Variants in MMP16 observed in about 807,000 individuals in gnomAD.
The protein encoded by MMP16 is matrix metallopeptidase 16.
Under a neutral mutation model 67.8 loss-of-function variants are expected in MMP16, and 12 were observed. That is an observed-to-expected ratio of 0.18 (90% CI 0.11 to 0.29). MMP16 has a LOEUF of 0.29. Among genes scored for constraint, MMP16 ranks in the 10% least tolerant of loss-of-function variants. The probability of loss-of-function intolerance (pLI) is 1.00; values close to 1 mark genes in which losing one functional copy is unlikely to be tolerated. For synonymous variants in MMP16, 249 were observed against 255.9 expected (o/e 0.97, Z 0.26); for missense variants, 475 against 765.7 (o/e 0.62, Z 4.48).
chr8:88,250,910 A>T (rs1309777290), intron 1 of MMP16, among the ~76,000 whole-genome samples: 2 of 150,398 alleles, frequency 1.3e-5, no homozygotes. Context: ...TATATCTCCC[A>T]ATGCTATCCC....
At chr8:88,129,741 T>C (rs1426585773) in intron 4 of MMP16, among the ~76,000 whole-genome samples, 1 of 151,610 alleles carries the variant, frequency 6.6e-6, no homozygotes, top group Non-Finnish European at 1.5e-5. Context: ...GTATACAAAA[T>C]ATAAAAAAAT....
chr8:88,294,320 ATATG>A (rs1810972401), intron 1 of MMP16, among the ~76,000 whole-genome samples: 1 of 150,720 alleles, frequency 6.6e-6, no homozygotes, highest in African/African-American at 2.4e-5. Context: ...GTATATGTCT[ATATG>A]TGTATGTCTA....
chr8:88,278,990 G>C (rs1216711211), intron 1 of MMP16, among the ~76,000 whole-genome samples: 1 of 152,076 alleles, frequency 6.6e-6, no homozygotes, highest in African/African-American at 2.4e-5. Flanking sequence ...GGGCTAGTTT[G>C]AGGCAGGCGG....
chr8:88,246,474 T>A (rs113455904), intron 1 of MMP16, among the ~76,000 whole-genome samples: 17 of 152,292 alleles, frequency 1.1e-4, no homozygotes, highest in African/African-American at 3.1e-4. Context: ...CGATCTCATA[T>A]CAACTATTAA....
chr8:88,172,574 T>C (rs1222108250), intron 3 of MMP16, among the ~76,000 whole-genome samples: 1 of 152,144 alleles, frequency 6.6e-6, no homozygotes, highest in African/African-American at 2.4e-5. Flanking sequence ...AATGATTAAA[T>C]ATATTTGCAG....
At chr8:88,221,278 A>G (rs904178708) in intron 1 of MMP16, among the ~76,000 whole-genome samples, 2 of 152,108 alleles carry the variant, frequency 1.3e-5, no homozygotes, top group African/African-American at 4.8e-5. Context: ...GTCAAATGCC[A>G]AAAGAAAACT....
chr8:88,213,842 T>A (rs894338402), intron 1 of MMP16, among the ~76,000 whole-genome samples: 1 of 152,138 alleles, frequency 6.6e-6, no homozygotes. Context: ...GACTGTTCCT[T>A]CTCCTTCTCT....
chr8:88,315,041 G>T (rs1413280149), intron 1 of MMP16, among the ~76,000 whole-genome samples: 1 of 152,180 alleles, frequency 6.6e-6, no homozygotes, highest in East Asian at 1.9e-4. Flanking sequence ...ATCTCTCAGG[G>T]ATAACTCCTT....
chr8:88,113,328 C>T (rs1409198582), intron 6 of MMP16, among the ~76,000 whole-genome samples: 1 of 151,664 alleles, frequency 6.6e-6, no homozygotes, highest in African/African-American at 2.4e-5. Flanking sequence ...AGGCAGGACT[C>T]AAGAAGCTAC....
intron 1 of MMP16, among the ~76,000 whole-genome samples, chr8:88,234,801 A>G (rs1809915166): frequency 6.6e-6 from 1 of 152,220 alleles, no homozygotes; most frequent in East Asian, 1.9e-4. Context: ...ATCCCAAAGC[A>G]TATACTGCCC....
At chr8:88,136,418 C>G (rs971792556) in intron 4 of MMP16, among the ~76,000 whole-genome samples, 2 of 151,722 alleles carry the variant, frequency 1.3e-5, no homozygotes, top group African/African-American at 4.8e-5. Flanking sequence ...TAAAACTGCA[C>G]AAATCTTAAG....
chr8:88,262,846 C>CAAAAAA (rs71277991), intron 1 of MMP16, among the ~76,000 whole-genome samples: 12 of 53,472 alleles, frequency 2.2e-4, no homozygotes, highest in Non-Finnish European at 3.5e-4. Flanking sequence ...ACTAAAAATA[C>CAAAAAA]AAAAAAAAAA....
At chr8:88,096,677 T>G (rs1408383555) in intron 6 of MMP16, among the ~76,000 whole-genome samples, 1 of 151,920 alleles carries the variant, frequency 6.6e-6, no homozygotes. Flanking sequence ...GAAGATTGAT[T>G]AGAAGTCTTC....
At chr8:88,194,186 A>G (rs910229746) in intron 2 of MMP16, among the ~76,000 whole-genome samples, 2 of 152,062 alleles carry the variant, frequency 1.3e-5, no homozygotes, top group African/African-American at 4.8e-5. Flanking sequence ...TTAATTACCC[A>G]GTAATTACAG....
chr8:88,201,161 AAAAAAAAT>A (rs1410551025), intron 1 of MMP16, among the ~76,000 whole-genome samples: 1 of 151,224 alleles, frequency 6.6e-6, no homozygotes, highest in Non-Finnish European at 1.5e-5. Context: ...AAAAAAAAAA[AAAAAAAAT>A]GGAATAAGTG....
chr8:88,042,329 A>ACAGGC (rs536203577), intron 9 of MMP16, among the ~76,000 whole-genome samples: 1 of 152,122 alleles, frequency 6.6e-6, no homozygotes, highest in Non-Finnish European at 1.5e-5. Flanking sequence ...CTTCTAAACA[A>ACAGGC]CAGGCTTCCT....
intron 1 of MMP16, among the ~76,000 whole-genome samples, chr8:88,252,818 C>G (rs2129929262): frequency 6.6e-6 from 1 of 151,992 alleles, no homozygotes; most frequent in East Asian, 1.9e-4. Context: ...AATACATTAG[C>G]CAGATCAAAG....
intron 4 of MMP16, among the ~76,000 whole-genome samples, chr8:88,134,610 T>G (rs1414686243): frequency 1.3e-5 from 2 of 151,574 alleles, no homozygotes; most frequent in African/African-American, 4.8e-5. Flanking sequence ...ATCTATCTCC[T>G]CTCTATATAT....
chr8:88,256,393 A>G (rs1274989320), intron 1 of MMP16, among the ~76,000 whole-genome samples: 3 of 151,736 alleles, frequency 2.0e-5, no homozygotes, highest in African/African-American at 7.3e-5. Flanking sequence ...TCACACAACA[A>G]CCTCCAATCT....
Sources: allele counts gnomAD v4.1 joint callset (sites outside exome capture counted in the v4.1 genomes callset), GRCh38; gene constraint gnomAD v4.1.1; transcripts MANE v1.5; gene names NCBI Gene and HGNC (gene_info 2026-07-23, HGNC 2026-07-21).